The following PCDH9 variants were observed in gnomAD, a reference collection of about 807,000 sequenced individuals.
PCDH9 encodes protocadherin 9, also known as protocadherin-9.
PCDH9 carries 24 observed loss-of-function variants against 70.6 expected under a neutral mutation model. The ratio of observed to expected loss-of-function variants is 0.34; its 90% confidence interval spans 0.25 to 0.48. The LOEUF (loss-of-function observed/expected upper bound fraction) is 0.48. PCDH9 is among the 20% of genes least tolerant of loss of function. The probability of loss-of-function intolerance (pLI) is 0.99; values close to 1 mark genes in which losing one functional copy is unlikely to be tolerated. For missense variants in PCDH9, 1,281 were observed against 1,503.6 expected, an observed-to-expected ratio of 0.85 and a Z score of 2.45; for synonymous variants, 562 against 558.5, an observed-to-expected ratio of 1.01 and a Z score of -0.09.
chr13:66,699,930 T>C (rs2139103649), intron 3 of PCDH9, among the ~76,000 whole-genome samples: 1 of 152,252 alleles, frequency 6.6e-6, no homozygotes, highest in East Asian at 1.9e-4. Context: ...CTGATTTTTT[T>C]TTTTAAGGAA....
chr13:66,927,147 A>G (rs1243817461), intron 2 of PCDH9, among the ~76,000 whole-genome samples: 2 of 152,102 alleles, frequency 1.3e-5, no homozygotes, highest in Admixed American at 1.3e-4. Context: ...ACAAGTGCCT[A>G]GTGCCTAGTA....
chr13:66,796,596 T>A (rs1405544199), intron 3 of PCDH9, among the ~76,000 whole-genome samples: 2 of 151,748 alleles, frequency 1.3e-5, no homozygotes, highest in Non-Finnish European at 2.9e-5. Flanking sequence ...GATGGGTGCA[T>A]AAGTAATAAA....
intron 3 of PCDH9, among the ~76,000 whole-genome samples, chr13:66,678,021 C>T (rs2078268372): frequency 6.6e-6 from 1 of 152,170 alleles, no homozygotes; most frequent in Admixed American, 6.6e-5. Flanking sequence ...GAGTAATTTT[C>T]CTTTTTAAAC....
chr13:67,086,861 T>C (rs1474949606), intron 2 of PCDH9, among the ~76,000 whole-genome samples: 1 of 152,034 alleles, frequency 6.6e-6, no homozygotes, highest in Non-Finnish European at 1.5e-5. Flanking sequence ...AATATGACAA[T>C]TTACCAAAGC....
intron 3 of PCDH9, among the ~76,000 whole-genome samples, chr13:66,784,362 G>GA (rs1262949005): frequency 6.6e-6 from 1 of 152,048 alleles, no homozygotes; most frequent in Non-Finnish European, 1.5e-5. Context: ...TACCTGGACT[G>GA]AAAAAATGCA....
intron 3 of PCDH9, among the ~76,000 whole-genome samples, chr13:66,867,016 C>CTTT (rs562922937): frequency 8.8e-5 from 12 of 137,024 alleles, no homozygotes; most frequent in African/African-American, 1.9e-4. Flanking sequence ...CAGTTTCTTT[C>CTTT]TTTTTTTTTT....
chr13:66,744,892 A>G (rs2079334664), intron 3 of PCDH9, among the ~76,000 whole-genome samples: 1 of 152,166 alleles, frequency 6.6e-6, no homozygotes, highest in Non-Finnish European at 1.5e-5. Flanking sequence ...GATTACTTGT[A>G]AATATCTCAG....
At chr13:66,412,524 A>G (rs533795335) in intron 4 of PCDH9, among the ~76,000 whole-genome samples, 1 of 152,184 alleles carries the variant, frequency 6.6e-6, no homozygotes, top group African/African-American at 2.4e-5. Context: ...CACTTATCAT[A>G]GTATATTTGC....
intron 2 of PCDH9, chr13:67,210,143 G>A (rs1271254858): frequency 6.6e-6 from 1 of 151,956 alleles, no homozygotes; most frequent in Non-Finnish European, 1.5e-5. Context: ...CATTATAAGA[G>A]TAATATTACT....
chr13:67,132,579 C>G (rs1480883929), intron 2 of PCDH9, among the ~76,000 whole-genome samples: 1 of 151,890 alleles, frequency 6.6e-6, no homozygotes, highest in Non-Finnish European at 1.5e-5. Flanking sequence ...ACATATAGTT[C>G]ATAGCAACAA....
intron 4 of PCDH9, among the ~76,000 whole-genome samples, chr13:66,489,447 A>G (rs895591644): frequency 6.6e-6 from 1 of 152,244 alleles, no homozygotes; most frequent in African/African-American, 2.4e-5. Flanking sequence ...AGTAGCTGGG[A>G]CTACAGGCAT....
intron 4 of PCDH9, among the ~76,000 whole-genome samples, chr13:66,452,740 G>A (rs1283643900): frequency 3.3e-5 from 5 of 152,042 alleles, no homozygotes; most frequent in African/African-American, 1.2e-4. Flanking sequence ...TAAGTCAAGT[G>A]CACAATCATA....
intron 2 of PCDH9, among the ~76,000 whole-genome samples, chr13:67,107,263 G>A (rs952708058): frequency 5.9e-5 from 8 of 136,452 alleles, no homozygotes; most frequent in African/African-American, 1.7e-4. Context: ...CTTCAAGCCC[G>A]TGTCAGCCGA....
intron 2 of PCDH9, among the ~76,000 whole-genome samples, chr13:67,138,589 C>G (rs534183585): frequency 1.3e-5 from 2 of 152,132 alleles, no homozygotes; most frequent in Non-Finnish European, 2.9e-5. Context: ...GGGCGTACCC[C>G]GAGTCACCAA....
chr13:66,362,526 C>T (rs1363113436), intron 4 of PCDH9, among the ~76,000 whole-genome samples: 1 of 152,054 alleles, frequency 6.6e-6, no homozygotes, highest in Non-Finnish European at 1.5e-5. Flanking sequence ...ATCCTCTATT[C>T]ATTGTGAAAA....
chr13:66,675,017 C>A (rs770597393), intron 3 of PCDH9, among the ~76,000 whole-genome samples: 9 of 151,900 alleles, frequency 5.9e-5, no homozygotes, highest in Non-Finnish European at 1.0e-4. Flanking sequence ...TTTTTATTTA[C>A]GAGTGCAATC....
In PCDH9 at chr13:66,304,615, C is replaced by T; in HGVS notation, c.*40G>A. On this transcript the variant is annotated 3_prime_UTR_variant, in exon 5 of 5. Transcript: ENST00000377865. ...AAAGCTCTGACGCACACGGTATTAG[C>T]ATGTCTATTTAAAGTTATTAGGTCC... 6.5e-7 allele frequency: 1 copy of T among 1,543,990 alleles called. No individual in the cohort carries two copies. The highest frequency in any genetic ancestry group is 8.9e-7 in the Non-Finnish European group (1 of 1,121,176).
At chr13:67,183,932 A>C (rs775667654) in intron 2 of PCDH9, among the ~76,000 whole-genome samples, 2 of 152,230 alleles carry the variant, frequency 1.3e-5, no homozygotes, top group African/African-American at 2.4e-5. Context: ...TAGGCATATT[A>C]AGATGCAGAT....
chr13:66,824,058 C>A (rs143059827), intron 3 of PCDH9, among the ~76,000 whole-genome samples: 6,696 of 151,746 alleles, frequency 0.044, 145 homozygotes, highest in Middle Eastern at 0.072. Context: ...TCAAAAATTT[C>A]TTTCATAACT....
Sources: gnomAD v4.1 joint callset for allele counts (sites outside exome capture counted in the v4.1 genomes callset) on GRCh38, gnomAD v4.1.1 for gene constraint, MANE v1.5 for transcripts, NCBI Gene and HGNC (gene_info 2026-07-23, HGNC 2026-07-21) for gene names.